RFC2: variants seen among roughly 807,000 people sequenced by gnomAD.
RFC2 encodes the protein A1 40 kDa subunit.
Under a neutral mutation model 44.8 loss-of-function variants are expected in RFC2, and 34 were observed. The ratio of observed to expected loss-of-function variants is 0.76; its 90% confidence interval spans 0.58 to 1.01. RFC2 has a LOEUF of 1.01. RFC2 is among the 50% of genes least tolerant of loss of function. The pLI is 0.00. For missense variants in RFC2, 400 were observed against 453.6 expected (o/e 0.88, Z 1.07); for synonymous variants, 177 against 168.9 (o/e 1.05, Z -0.37).
intron 1 of RFC2, 21 bp downstream of exon 1, chr7:74,254,250 C>G: frequency 6.3e-7 from 1 of 1,584,222 alleles, no homozygotes; most frequent in Non-Finnish European, 8.7e-7. Context: ...CGCGCCCATT[C>G]TTTACGGCCT....
chr7:74,247,665 C>A (rs1803698009), intron 4 of RFC2, among the ~76,000 whole-genome samples: 1 of 152,014 alleles, frequency 6.6e-6, no homozygotes, highest in Non-Finnish European at 1.5e-5. Context: ...AAGAAAAGAA[C>A]AGAACAGAAC....
chr7:74,247,216 A>G (rs1803671333), intron 4 of RFC2, among the ~76,000 whole-genome samples: 1 of 152,034 alleles, frequency 6.6e-6, no homozygotes, highest in African/African-American at 2.4e-5. Context: ...GTGCAGATAT[A>G]CCACCTTTGT....
At chr7:74,249,948 C>T (rs1786818237) in intron 2 of RFC2, 168 bp from the exon 3 acceptor site, 1 of 664,518 alleles carries the variant, frequency 1.5e-6, no homozygotes, top group South Asian at 1.5e-5. Context: ...CACTTGAGGC[C>T]TGAGGCCAGC....
chr7:74,254,061 G>A (rs1323162928), intron 1 of RFC2, among the ~76,000 whole-genome samples: 2 of 152,102 alleles, frequency 1.3e-5, no homozygotes, highest in African/African-American at 2.4e-5. Flanking sequence ...GCATTGTAGT[G>A]AGCGAGACTC....
chr7:74,232,185 T>G lies in RFC2; in HGVS notation c.986A>C (p.Glu329Ala), dbSNP rs1563983131. ...EIGYTHMKIA[E>A]GVNSLLQMAG... Reference sequence around the variant, plus strand: ...CATCTGCAAAAGAGAGTTCACTCCTTCCGCTATTTTCATGTGAGTGTATCC... The same window carrying G: ...CATCTGCAAAAGAGAGTTCACTCCTGCCGCTATTTTCATGTGAGTGTATCC... Residue 329 changes from glutamate to alanine, a missense_variant, in exon 11 of 11, where the codon GAA becomes GCA. Coordinates refer to ENST00000055077, the MANE Select transcript of RFC2 (RefSeq NM_181471.3). 2 of 1,612,816 alleles carry G rather than the reference T, an allele frequency of 1.2e-6. No homozygotes were observed. Among genetic ancestry groups the G allele is most frequent in the Non-Finnish European group, 1.7e-6 (2 of 1,178,926 alleles).
intron 4 of RFC2, among the ~76,000 whole-genome samples, chr7:74,247,081 G>A (rs1240395882): frequency 4.7e-5 from 7 of 147,598 alleles, no homozygotes; most frequent in Admixed American, 6.7e-5. Flanking sequence ...TCAGTGAGCC[G>A]GGATCACGCC....
chr7:74,251,212 G>A (rs1409651398), intron 2 of RFC2, among the ~76,000 whole-genome samples: 3 of 152,042 alleles, frequency 2.0e-5, no homozygotes, highest in African/African-American at 4.8e-5. Context: ...GTGCAGTGGC[G>A]TGATCATAGC....
At position 74,232,063 on chromosome 7, in the gene RFC2, C is replaced by T; in HGVS notation, c.*43G>A. 2 of 1,219,410 alleles carry T rather than the reference C, an allele frequency of 1.6e-6. No individual in the cohort carries two copies. The highest frequency in any genetic ancestry group is 1.8e-5 in the Admixed American group (1 of 56,950). 75.5% of individuals were successfully genotyped at this position (1,219,410 alleles called of 1,614,324 possible). On this transcript the variant is annotated 3_prime_UTR_variant, in exon 11 of 11. Coordinates refer to ENST00000055077, the MANE Select transcript of RFC2 (RefSeq NM_181471.3). ...CATCAGAAAGCCGCGGCTCCTGTAC[C>T]TCAGAATAGGGCACCTGTAAGTCAG...
chr7:74,247,109 C>A (rs1379112705), intron 4 of RFC2, among the ~76,000 whole-genome samples: 2 of 142,182 alleles, frequency 1.4e-5, no homozygotes, highest in East Asian at 4.2e-4. Flanking sequence ...CCCAGCCTGG[C>A]GATAATTCGT....
chr7:74,240,802 T>C (rs941442228), intron 6 of RFC2, among the ~76,000 whole-genome samples: 3 of 152,244 alleles, frequency 2.0e-5, no homozygotes, highest in Admixed American at 1.3e-4. Context: ...GTTTCTTTCT[T>C]TTTTTTTCAT....
chr7:74,235,911 G>A (rs781953478), intron 9 of RFC2, among the ~76,000 whole-genome samples: 9 of 151,956 alleles, frequency 5.9e-5, no homozygotes, highest in East Asian at 1.9e-4. Flanking sequence ...CTCCTGCCTC[G>A]ACCTCCAAAA....
At chr7:74,233,892 T>C (rs1326359097) in intron 10 of RFC2, 8 of 456,534 alleles carry the variant, frequency 1.8e-5, no homozygotes, top group African/African-American at 4.0e-5. Flanking sequence ...CGTTTGGCAG[T>C]TCCTTATCGA....
At position 74,238,588 on chromosome 7, in the gene RFC2, G is replaced by A. The variant is rs782447690; in HGVS notation, c.759+335C>T. On this transcript the variant is annotated intron_variant, in intron 8 of 10. Coordinates refer to ENST00000055077, the MANE Select transcript of RFC2 (RefSeq NM_181471.3). The surrounding 1 kb of genome is among the most constrained non-coding windows in gnomAD (Gnocchi z 4.0). ...GGGCCAGGGGATCCCCTGGGCCCAC[G>A]TCATCACCCACAATGTGATGGTGAG... 2.2e-4 allele frequency among the ~76,000 whole-genome samples: 33 copies of A among 152,000 alleles called. No homozygotes were observed. The highest frequency in any genetic ancestry group is 2.5e-4 in the Non-Finnish European group (17 of 67,994).
chr7:74,243,988 T>C (rs1803468626), intron 5 of RFC2, among the ~76,000 whole-genome samples: 1 of 150,254 alleles, frequency 6.7e-6, no homozygotes, highest in African/African-American at 2.5e-5. Context: ...TAGTGGCTCA[T>C]GCCTGTAATC....
intron 1 of RFC2, among the ~76,000 whole-genome samples, chr7:74,253,100 CTG>C (rs1258525968): frequency 6.6e-6 from 1 of 152,220 alleles, no homozygotes; most frequent in Non-Finnish European, 1.5e-5. Context: ...CAATGTGACA[CTG>C]TGCTGCAACC....
At chr7:74,248,553 G>A (rs1584262777) in intron 4 of RFC2, among the ~76,000 whole-genome samples, 1 of 151,518 alleles carries the variant, frequency 6.6e-6, no homozygotes, top group East Asian at 1.9e-4. Context: ...AGGCTGGAGT[G>A]CTCAACGGTG....
rs976981441 is a variant in RFC2 at position 74,239,920 on chromosome 7, T to A, written c.693+18A>T. The A allele has an allele frequency of 6.3e-7, 1 of 1,581,170 alleles. No individual in the cohort carries two copies. Among genetic ancestry groups the A allele is most frequent in the African/African-American group, 1.3e-5 (1 of 74,236 alleles). ...CAGGCACAGGATGCCCACGCCTGAA[T>A]GGTAGCAGCCCACATACCTGCCTCA... is the stretch of plus-strand genomic sequence containing the variant. On this transcript the variant is annotated intron_variant, in intron 7 of 10. Coordinates refer to ENST00000055077, the MANE Select transcript of RFC2 (RefSeq NM_181471.3).
At chr7:74,243,337 T>A in intron 5 of RFC2, 91 bp from the exon 6 acceptor site, 1 of 826,800 alleles carries the variant, frequency 1.2e-6, no homozygotes, top group South Asian at 1.4e-5. Context: ...ATAAGACACA[T>A]CCAATGTCCT....
intron 6 of RFC2, among the ~76,000 whole-genome samples, chr7:74,242,899 G>C (rs1225522934): frequency 2.0e-5 from 3 of 151,570 alleles, no homozygotes; most frequent in African/African-American, 4.8e-5. Flanking sequence ...CTCCAGCCTA[G>C]GCGACAGAGT....
Sources: gnomAD v4.1 joint callset for allele counts (sites outside exome capture counted in the v4.1 genomes callset) on GRCh38, gnomAD v4.1.1 for gene constraint, Gnocchi (gnomAD v3.1) non-coding constraint, MANE v1.5 for transcripts, NCBI Gene and HGNC (gene_info 2026-07-23, HGNC 2026-07-21) for gene names.